Variants in LGR5 observed in about 807,000 individuals in gnomAD.
LGR5 encodes leucine-rich repeat-containing G protein-coupled receptor 5.
LGR5 carries 54 observed loss-of-function variants against 76.7 expected under a neutral mutation model. The observed-to-expected ratio is 0.70, with a 90% CI of 0.57 to 0.88. LGR5 has a LOEUF of 0.88. Ranked by LOEUF, LGR5 falls within the 40% of genes least tolerant of loss-of-function variation. LGR5 has a pLI of 0.00. For missense variants in LGR5, 1,078 were observed against 1,073.3 expected (o/e 1.00, Z -0.06); for synonymous variants, 406 against 421.9 (o/e 0.96, Z 0.46).
In LGR5 at chr12:71,556,936, T is replaced by G. The variant is rs546535255; in HGVS notation, c.716+246T>G. ...TCATTATAAATTAAATGAGATGTTC[T>G]CTACTAAGCAGTGACTATTTGCTTA... is the stretch of plus-strand genomic sequence containing the variant. On this transcript the variant is annotated intron_variant, in intron 6 of 17. Coordinates refer to ENST00000266674, the MANE Select transcript of LGR5 (RefSeq NM_003667.4). Among the ~76,000 whole-genome samples, 5 of 152,326 alleles carry G rather than the reference T, an allele frequency of 3.3e-5. No individual in the cohort carries two copies. The East Asian group carries it at 9.6e-4, about 29-fold the overall frequency.
At chr12:71,473,342 A>G (rs1873181750) in intron 1 of LGR5, among the ~76,000 whole-genome samples, 1 of 151,716 alleles carries the variant, frequency 6.6e-6, no homozygotes. Flanking sequence ...TTAAAAAAAT[A>G]TTCATTATTA....
chr12:71,573,822 A>G (rs1222189493), intron 13 of LGR5, among the ~76,000 whole-genome samples: 5 of 151,972 alleles, frequency 3.3e-5, no homozygotes, highest in African/African-American at 1.2e-4. Flanking sequence ...TTTCCTCCCA[A>G]AAGTTTACCA....
rs1183531252 is a variant in LGR5 at position 71,440,220 on chromosome 12, T to C, written c.140T>C (p.Leu47Ser). The C allele has an allele frequency of 6.2e-7, 1 of 1,613,188 alleles. No individual in the cohort carries two copies. Among genetic ancestry groups the C allele is most frequent in the Non-Finnish European group, 8.5e-7 (1 of 1,179,896 alleles). The part of the protein sequence containing the change: ...HCHCEPDGRM[L>S]LRVDCSDLGL... Reference sequence around the variant, plus strand: ...CATTGCGAGCCCGACGGCAGGATGTTGCTCAGGGTGGACTGCTCCGACCTG... The same window carrying C: ...CATTGCGAGCCCGACGGCAGGATGTCGCTCAGGGTGGACTGCTCCGACCTG... The change falls in exon 1 of 18, where the codon TTG becomes TCG. Residue 47 changes from leucine to serine, a missense_variant. Physicochemically the swap from Leu to Ser is moderately radical, Grantham distance 145. Coordinates refer to ENST00000266674, the MANE Select transcript of LGR5 (RefSeq NM_003667.4). The surrounding 1 kb of genome is among the most constrained non-coding windows in gnomAD (Gnocchi z 5.3).
At chr12:71,483,897 A>G (rs1195211346) in intron 1 of LGR5, among the ~76,000 whole-genome samples, 1 of 152,188 alleles carries the variant, frequency 6.6e-6, no homozygotes, top group Non-Finnish European at 1.5e-5. Flanking sequence ...GTGGGGATGA[A>G]TGATAGGATG....
In LGR5 at chr12:71,584,080, G is replaced by T. The variant is rs138322487; in HGVS notation, c.2070G>T (p.Leu690=). 1.4e-5 allele frequency: 22 copies of T among 1,614,086 alleles called. No homozygotes were observed. Among genetic ancestry groups the T allele is most frequent in the Non-Finnish European group, 1.8e-5 (21 of 1,180,056 alleles). ...AAGTAATCATTTTGCTCTGTGCCCT[G>T]CTGGCCTTGACCATGGCCGCAGTTC... ...SLKVIILLCA[L]LALTMAAVPL... Residue 690 remains leucine, a synonymous_variant, in exon 18 of 18, where the codon CTG becomes CTT. Transcript: ENST00000266674.
intron 17 of LGR5, among the ~76,000 whole-genome samples, chr12:71,582,942 GAGGAAGGA>G (rs72361433): frequency 3.5e-5 from 5 of 143,344 alleles, no homozygotes; most frequent in Non-Finnish European, 7.6e-5. Flanking sequence ...GTACAGATAA[GAGGAAGGA>G]AGGAAGGAAG....
chr12:71,561,324 C>A (rs1026469049), intron 7 of LGR5, among the ~76,000 whole-genome samples: 1 of 152,192 alleles, frequency 6.6e-6, no homozygotes, highest in Non-Finnish European at 1.5e-5. Context: ...AGCCAGGGCA[C>A]CTTTCTTCAA....
At chr12:71,580,559 G>A in intron 16 of LGR5, 136 bp downstream of exon 16, 1 of 844,008 alleles carries the variant, frequency 1.2e-6, no homozygotes, top group Non-Finnish European at 1.8e-6. Context: ...AGTTTGGGAG[G>A]CCGAGGCAGA....
At chr12:71,559,342 G>A (rs147497312) in intron 6 of LGR5, among the ~76,000 whole-genome samples, 10 of 152,130 alleles carry the variant, frequency 6.6e-5, no homozygotes, top group African/African-American at 2.2e-4. Flanking sequence ...TTTTTTAGAC[G>A]CCCCAGTGCC....
At position 71,580,363 on chromosome 12, in the gene LGR5, G is replaced by T. The variant is rs1033508698; in HGVS notation, c.1492G>T (p.Gly498Cys). 29 of 1,613,890 alleles carry T rather than the reference G, an allele frequency of 1.8e-5. No homozygotes were observed. The highest frequency in any genetic ancestry group is 2.2e-5 in the Non-Finnish European group (26 of 1,179,922). Reference protein sequence around the residue: ...AYKISNQWNKGDNSSMDDLHK... With the variant: ...AYKISNQWNKCDNSSMDDLHK... ...TAAGATTTCTAATCAATGGAATAAA[G>T]GTGACAACAGCAGTATGGACGACCT... Residue 498 changes from glycine to cysteine, a missense_variant, in exon 16 of 18, where the codon GGT (glycine) becomes TGT (cysteine). By Grantham distance (159) the Gly-to-Cys change is radical. Coordinates refer to ENST00000266674, the MANE Select transcript of LGR5 (RefSeq NM_003667.4).
intron 6 of LGR5, among the ~76,000 whole-genome samples, chr12:71,558,397 T>G (rs748006888): frequency 7.2e-5 from 11 of 152,194 alleles, no homozygotes; most frequent in Non-Finnish European, 1.6e-4. Flanking sequence ...TGAGTCTTAT[T>G]GTCTCCCCTT....
At chr12:71,572,058 A>G (rs1006772859) in intron 12 of LGR5, among the ~76,000 whole-genome samples, 1 of 148,398 alleles carries the variant, frequency 6.7e-6, no homozygotes, top group African/African-American at 2.5e-5. Flanking sequence ...CTCTCTTAAC[A>G]TTGCCTCCCC....
intron 1 of LGR5, among the ~76,000 whole-genome samples, chr12:71,478,735 A>C (rs1164097676): frequency 2.0e-5 from 3 of 152,220 alleles, no homozygotes; most frequent in Non-Finnish European, 1.5e-5. Flanking sequence ...CACATAGGTC[A>C]TCAAATACAA....
intron 4 of LGR5, among the ~76,000 whole-genome samples, chr12:71,543,192 C>A (rs912438366): frequency 1.3e-5 from 2 of 152,172 alleles, no homozygotes; most frequent in African/African-American, 2.4e-5. Context: ...CAGTTCATCT[C>A]CCCTAGTTTA....
Position 71,440,049 on chromosome 12 carries a change from C to G in LGR5, c.-32C>G. 1.3e-6 allele frequency: 2 copies of G among 1,591,644 alleles called. No homozygotes were observed. The highest frequency in any genetic ancestry group is 1.7e-6 in the Non-Finnish European group (2 of 1,173,802). On this transcript the variant is annotated 5_prime_UTR_variant, in exon 1 of 18. Transcript: ENST00000266674. This position sits in a 1 kb window ranked among gnomAD's most constrained non-coding sequence, Gnocchi z 5.3. ...GCAGTCCGGTGCTGCTCTCCGCCCG[C>G]GTCCGGCTCGTGGCCCCCTACTTCG... is the stretch of plus-strand genomic sequence containing the variant.
In LGR5 at chr12:71,537,377, G is replaced by A. The variant is rs117325982; in HGVS notation, c.428+2191G>A. On this transcript the variant is annotated intron_variant, in intron 4 of 17. Transcript: ENST00000266674. ...CCAGCTAGTCGGGAGGCTGAAGCAG[G>A]AGGATCACTTGGGCCCAGGAGTTTG... Among the ~76,000 whole-genome samples the A allele has an allele frequency of 2.0e-3, 300 of 152,180 alleles. 8 individuals are homozygous for A. In the East Asian group the frequency reaches 0.035, roughly 18 times the overall value.
intron 1 of LGR5, among the ~76,000 whole-genome samples, chr12:71,485,044 A>T (rs936854963): frequency 6.6e-6 from 1 of 152,178 alleles, no homozygotes; most frequent in African/African-American, 2.4e-5. Context: ...ATAAACATCA[A>T]TATGCTAGCA....
intron 13 of LGR5, 111 bp downstream of exon 13, chr12:71,573,032 C>A: frequency 1.4e-6 from 1 of 700,214 alleles, no homozygotes; most frequent in Non-Finnish European, 2.4e-6. Flanking sequence ...GACTTTTGTG[C>A]ATATATTTGC....
chr12:71,487,178 A>G (rs945231877), intron 1 of LGR5, among the ~76,000 whole-genome samples: 1 of 152,218 alleles, frequency 6.6e-6, no homozygotes, highest in African/African-American at 2.4e-5. Flanking sequence ...ACATTTGTAC[A>G]TTACCAGGTT....
Sources: gnomAD v4.1 joint callset for allele counts (sites outside exome capture counted in the v4.1 genomes callset) on GRCh38, gnomAD v4.1.1 for gene constraint, Gnocchi (gnomAD v3.1) non-coding constraint, MANE v1.5 for transcripts, NCBI Gene and HGNC (gene_info 2026-07-23, HGNC 2026-07-21) for gene names.